CNTNAP5: variants seen among roughly 807,000 people sequenced by gnomAD.
CNTNAP5 encodes contactin-associated protein-like 5.
A neutral mutation model predicts 150.2 loss-of-function variants in CNTNAP5; 72 were observed. The ratio of observed to expected loss-of-function variants is 0.48; its 90% CI spans 0.40 to 0.58. The LOEUF is 0.58. CNTNAP5 is among the 20% of genes least tolerant of loss of function. The pLI is 0.00. For synonymous variants in CNTNAP5, 672 were observed against 619.8 expected (o/e 1.08, Z -1.25); for missense variants, 1,636 against 1,626.2 (o/e 1.01, Z -0.10).
At chr2:124,393,256 C>A (rs1406705579) in intron 3 of CNTNAP5, among the ~76,000 whole-genome samples, 2 of 152,076 alleles carry the variant, frequency 1.3e-5, no homozygotes, top group Admixed American at 6.6e-5. Flanking sequence ...TTAGCCAACC[C>A]ACCGTTTCCC....
At chr2:124,266,055 G>A (rs945315018) in intron 3 of CNTNAP5, among the ~76,000 whole-genome samples, 1 of 152,130 alleles carries the variant, frequency 6.6e-6, no homozygotes, top group African/African-American at 2.4e-5. Flanking sequence ...CTTTGAGCAA[G>A]TTGCTTAATC....
intron 3 of CNTNAP5, among the ~76,000 whole-genome samples, chr2:124,405,540 A>T (rs1019858469): frequency 6.6e-6 from 1 of 152,030 alleles, no homozygotes; most frequent in Non-Finnish European, 1.5e-5. Context: ...ACTTCTGATA[A>T]TTTTTTTTAC....
At chr2:124,114,956 C>T (rs1464180377) in intron 1 of CNTNAP5, among the ~76,000 whole-genome samples, 2 of 151,618 alleles carry the variant, frequency 1.3e-5, no homozygotes, top group African/African-American at 2.4e-5. Flanking sequence ...ACAAACCTCA[C>T]CTTTTAAAAA....
chr2:124,720,416 T>C (rs1680026198), intron 13 of CNTNAP5, among the ~76,000 whole-genome samples: 2 of 152,184 alleles, frequency 1.3e-5, no homozygotes, highest in African/African-American at 4.8e-5. Context: ...GTCTGGTTGC[T>C]TCTCTCACTT....
chr2:124,762,775 T>C (rs1418746014), intron 14 of CNTNAP5, among the ~76,000 whole-genome samples: 1 of 152,148 alleles, frequency 6.6e-6, no homozygotes, highest in Non-Finnish European at 1.5e-5. Context: ...GCATTGTCCC[T>C]GTCTCTTCTG....
chr2:124,532,910 C>T (rs778728530), intron 10 of CNTNAP5, among the ~76,000 whole-genome samples: 2 of 152,080 alleles, frequency 1.3e-5, no homozygotes, highest in African/African-American at 4.8e-5. Flanking sequence ...AAAGGTTTGC[C>T]GGTTCTCTAG....
intron 21 of CNTNAP5, among the ~76,000 whole-genome samples, chr2:124,898,959 G>A (rs1678362304): frequency 6.6e-6 from 1 of 151,386 alleles, no homozygotes; most frequent in South Asian, 2.1e-4. Flanking sequence ...AAAAATTCAA[G>A]GGACCTATTG....
chr2:124,356,804 T>C (rs934622296), intron 3 of CNTNAP5, among the ~76,000 whole-genome samples: 2 of 151,492 alleles, frequency 1.3e-5, no homozygotes, highest in Non-Finnish European at 3.0e-5. Context: ...TGATTTATAG[T>C]CCTTTGGGTA....
intron 3 of CNTNAP5, among the ~76,000 whole-genome samples, chr2:124,383,856 A>T (rs1433983060): frequency 6.6e-6 from 1 of 152,158 alleles, no homozygotes; most frequent in East Asian, 1.9e-4. Flanking sequence ...GAAACAACCA[A>T]TATCATATTA....
At chr2:124,613,006 T>A (rs990933084) in intron 12 of CNTNAP5, among the ~76,000 whole-genome samples, 2 of 152,138 alleles carry the variant, frequency 1.3e-5, no homozygotes, top group African/African-American at 4.8e-5. Flanking sequence ...GAGCCGAGAT[T>A]GTGCCACTGC....
At chr2:124,645,919 G>A (rs1477121149) in intron 12 of CNTNAP5, among the ~76,000 whole-genome samples, 2 of 152,032 alleles carry the variant, frequency 1.3e-5, no homozygotes, top group African/African-American at 4.8e-5. Flanking sequence ...GAGAGAGAGT[G>A]AATGGAAGGT....
At chr2:124,040,248 T>C (rs996729979) in intron 1 of CNTNAP5, among the ~76,000 whole-genome samples, 5 of 152,170 alleles carry the variant, frequency 3.3e-5, no homozygotes, top group African/African-American at 1.2e-4. Flanking sequence ...ACTGTGAACT[T>C]CAAATGTATT....
Position 124,609,843 on chromosome 2 carries a change from A to T in CNTNAP5, c.1799A>T (p.Asn600Ile). ...TGCGAGGTGTACAGGCACCAGGGGA[A>T]TACAGCCGGCTTCTTCTACATCGAC... ...QSCEVYRHQG[N>I]TAGFFYIDSD... The change falls in exon 12 of 24, where the codon AAT (asparagine) becomes ATT (isoleucine). Residue 600 changes from asparagine (N) to isoleucine (I), a missense_variant. Coordinates refer to ENST00000682447, the MANE Select transcript of CNTNAP5 (RefSeq NM_001367498.1). 1 of 1,613,944 alleles carries T rather than the reference A, an allele frequency of 6.2e-7. No homozygotes were observed. Among genetic ancestry groups the T allele is most frequent in the Non-Finnish European group, 8.5e-7 (1 of 1,179,856 alleles).
chr2:124,707,246 C>T (rs1208440116), intron 13 of CNTNAP5, among the ~76,000 whole-genome samples: 5 of 151,786 alleles, frequency 3.3e-5, no homozygotes, highest in African/African-American at 9.7e-5. Flanking sequence ...GAGGAGAGGG[C>T]GAGAGTCCCT....
At chr2:124,800,103 C>A (rs142510306) in intron 19 of CNTNAP5, among the ~76,000 whole-genome samples, 2 of 152,154 alleles carry the variant, frequency 1.3e-5, no homozygotes, top group African/African-American at 4.8e-5. Context: ...GGCGTGCCAA[C>A]GAGGTAATCT....
chr2:124,179,875 T>G (rs1310106404), intron 1 of CNTNAP5, among the ~76,000 whole-genome samples: 1 of 152,188 alleles, frequency 6.6e-6, no homozygotes, highest in Non-Finnish European at 1.5e-5. Flanking sequence ...CTCATCTGCT[T>G]CTTTCTGCTC....
At chr2:124,683,229 A>T (rs2105071010) in intron 13 of CNTNAP5, among the ~76,000 whole-genome samples, 1 of 152,252 alleles carries the variant, frequency 6.6e-6, no homozygotes, top group East Asian at 1.9e-4. Flanking sequence ...GATTCTTTTC[A>T]GACTGCTTTG....
At chr2:124,408,236 C>A (rs2104765900) in intron 3 of CNTNAP5, among the ~76,000 whole-genome samples, 1 of 152,288 alleles carries the variant, frequency 6.6e-6, no homozygotes, top group South Asian at 2.1e-4. Flanking sequence ...GGGTCCTACG[C>A]CCACGGAGTC....
At chr2:124,468,076 C>G (rs1693422590) in intron 6 of CNTNAP5, among the ~76,000 whole-genome samples, 1 of 152,088 alleles carries the variant, frequency 6.6e-6, no homozygotes, top group Admixed American at 6.6e-5. Flanking sequence ...TGTTTGGAGG[C>G]AAAAGACTTG....
Sources: gnomAD v4.1 joint callset for allele counts (sites outside exome capture counted in the v4.1 genomes callset) on GRCh38, gnomAD v4.1.1 for gene constraint, MANE v1.5 for transcripts, NCBI Gene and HGNC (gene_info 2026-07-23, HGNC 2026-07-21) for gene names.